MLLT3: variants seen among roughly 807,000 people sequenced by gnomAD.
The protein encoded by MLLT3 is protein AF-9.
Under a neutral mutation model 53.2 loss-of-function variants are expected in MLLT3, and 4 were observed. The observed-to-expected ratio is 0.08, with a 90% CI of 0.04 to 0.17. MLLT3 has a LOEUF of 0.17. Ranked by LOEUF, MLLT3 falls within the 10% of genes least tolerant of loss-of-function variation. MLLT3 has a pLI of 1.00. For missense variants in MLLT3, 569 were observed against 684.0 expected (o/e 0.83, Z 1.87); for synonymous variants, 283 against 230.6 (o/e 1.23, Z -2.06).
intron 2 of MLLT3, among the ~76,000 whole-genome samples, chr9:20,495,618 T>C (rs534235757): frequency 2.0e-5 from 3 of 152,322 alleles, no homozygotes; most frequent in South Asian, 4.1e-4. Flanking sequence ...CAACCGGAAC[T>C]AGATTTTTTA....
In MLLT3 at chr9:20,564,707, G is replaced by A. The variant is rs1180751195; in HGVS notation, c.193+55947C>T. Among the ~76,000 whole-genome samples, 10 of 152,104 alleles carry A rather than the reference G, an allele frequency of 6.6e-5. No homozygotes were observed. In the South Asian group the frequency reaches 1.0e-3, roughly 16 times the overall value. On this transcript the variant is annotated intron_variant, in intron 2 of 10. Coordinates refer to ENST00000380338, the MANE Select transcript of MLLT3 (RefSeq NM_004529.4). ...TCATTTAATTCTGCCAATTAGTTCC[G>A]CAACTATGGCATTAAAGAACTATGG...
At chr9:20,475,166 TGAAG>T (rs1416923484) in intron 2 of MLLT3, among the ~76,000 whole-genome samples, 60 of 152,208 alleles carry the variant, frequency 3.9e-4, no homozygotes, top group Middle Eastern at 3.4e-3. Context: ...AGGCTCAAGG[TGAAG>T]TTATTTGTGA....
intron 2 of MLLT3, among the ~76,000 whole-genome samples, chr9:20,472,795 G>C (rs1824428126): frequency 6.6e-6 from 1 of 151,788 alleles, no homozygotes. Flanking sequence ...TATTAGTTCA[G>C]CAATGTAATT....
intron 2 of MLLT3, among the ~76,000 whole-genome samples, chr9:20,565,258 A>G (rs1455756551): frequency 1.3e-5 from 2 of 152,092 alleles, no homozygotes; most frequent in Non-Finnish European, 2.9e-5. Flanking sequence ...CAAACTGTAC[A>G]ATGCACAAAG....
At chr9:20,358,446 C>G (rs1282277711) in intron 8 of MLLT3, among the ~76,000 whole-genome samples, 4 of 152,166 alleles carry the variant, frequency 2.6e-5, no homozygotes, top group African/African-American at 9.7e-5. Flanking sequence ...AATAAACACG[C>G]CAAGGAACCA....
At chr9:20,527,505 G>A (rs750104929) in intron 2 of MLLT3, among the ~76,000 whole-genome samples, 1 of 152,086 alleles carries the variant, frequency 6.6e-6, no homozygotes, top group Non-Finnish European at 1.5e-5. Flanking sequence ...TGTAATATAG[G>A]TATTTACCAA....
chr9:20,583,533 A>T (rs1792940147), intron 2 of MLLT3, among the ~76,000 whole-genome samples: 1 of 152,086 alleles, frequency 6.6e-6, no homozygotes, highest in Admixed American at 6.5e-5. Context: ...CCCTGCAGCA[A>T]ATTTTTCCCT....
chr9:20,592,646 C>T (rs1208840432), intron 2 of MLLT3, among the ~76,000 whole-genome samples: 1 of 152,158 alleles, frequency 6.6e-6, no homozygotes, highest in Non-Finnish European at 1.5e-5. Context: ...TAATTTGGCA[C>T]ATAACATTAT....
intron 4 of MLLT3, among the ~76,000 whole-genome samples, chr9:20,440,604 T>C (rs1415031387): frequency 1.3e-5 from 2 of 152,202 alleles, no homozygotes; most frequent in Admixed American, 1.3e-4. Context: ...CTTACCATCC[T>C]AGAAGAGAAT....
chr9:20,400,604 G>T (rs1822430763), intron 5 of MLLT3, among the ~76,000 whole-genome samples: 1 of 152,046 alleles, frequency 6.6e-6, no homozygotes, highest in Admixed American at 6.6e-5. Context: ...GCTAGGAGAA[G>T]ATGGCACTAC....
rs193287050 is a variant in MLLT3, at chr9:20,565,287, A to G, written c.193+55367T>C. Among the ~76,000 whole-genome samples the G allele has an allele frequency of 3.2e-4, 48 of 152,246 alleles. 1 individual carries two copies. In the East Asian group the frequency reaches 8.9e-3, roughly 28 times the overall value. On this transcript the variant is annotated intron_variant, in intron 2 of 10. Transcript: ENST00000380338. ...CACAAAGCTTCGGTTCCGCTAGGTT[A>G]TCAGCTACACTTAGAACAGTTTGGG...
chr9:20,513,805 A>G (rs1338382302), intron 2 of MLLT3, among the ~76,000 whole-genome samples: 1 of 152,238 alleles, frequency 6.6e-6, no homozygotes, highest in African/African-American at 2.4e-5. Context: ...CTTCTGTGTG[A>G]AACAAGTTAC....
intron 5 of MLLT3, among the ~76,000 whole-genome samples, chr9:20,386,556 T>A (rs1051494923): frequency 1.3e-5 from 2 of 152,198 alleles, no homozygotes; most frequent in Non-Finnish European, 2.9e-5. Context: ...CAGAATTGGA[T>A]AAAGCCTATT....
At chr9:20,476,206 T>C (rs1240560864) in intron 2 of MLLT3, among the ~76,000 whole-genome samples, 2 of 152,092 alleles carry the variant, frequency 1.3e-5, no homozygotes, top group Non-Finnish European at 2.9e-5. Context: ...ATATGGTTAA[T>C]GAAACAGGAG....
chr9:20,418,010 T>C (rs1180573428), intron 4 of MLLT3, among the ~76,000 whole-genome samples: 1 of 152,232 alleles, frequency 6.6e-6, no homozygotes, highest in Non-Finnish European at 1.5e-5. Flanking sequence ...AACTGGCTTC[T>C]GTCTTGTGAA....
chr9:20,541,231 T>A (rs1818621911), intron 2 of MLLT3, among the ~76,000 whole-genome samples: 1 of 152,168 alleles, frequency 6.6e-6, no homozygotes, highest in Non-Finnish European at 1.5e-5. Flanking sequence ...ACTCACAAAC[T>A]TCAACATCTT....
intron 8 of MLLT3, among the ~76,000 whole-genome samples, chr9:20,358,337 G>A (rs564900249): frequency 3.9e-5 from 6 of 152,176 alleles, no homozygotes; most frequent in South Asian, 2.1e-4. Flanking sequence ...GGAAGCATAC[G>A]GACTTTCTTA....
chr9:20,443,834 G>A (rs567166486), intron 4 of MLLT3, among the ~76,000 whole-genome samples: 9 of 152,270 alleles, frequency 5.9e-5, no homozygotes, highest in Admixed American at 2.6e-4. Flanking sequence ...TGCCATATCC[G>A]TTTCACAGCT....
At chr9:20,525,515 G>T (rs929052457) in intron 2 of MLLT3, among the ~76,000 whole-genome samples, 10 of 152,012 alleles carry the variant, frequency 6.6e-5, no homozygotes, top group Non-Finnish European at 1.5e-4. Context: ...AAAAAATAAA[G>T]ACATCTTAGA....
Sources: allele counts gnomAD v4.1 joint callset (sites outside exome capture counted in the v4.1 genomes callset), GRCh38; gene constraint gnomAD v4.1.1; transcripts MANE v1.5; gene names NCBI Gene and HGNC (gene_info 2026-07-23, HGNC 2026-07-21).